NNT: variants seen among roughly 807,000 people sequenced by gnomAD.
NNT encodes the protein nicotinamide nucleotide transhydrogenase, also known as NAD(P) transhydrogenase, mitochondrial.
In NNT, 50 loss-of-function variants were observed where a neutral mutation model predicts 104.8. The ratio of observed to expected loss-of-function variants is 0.48; its 90% CI spans 0.38 to 0.60. The LOEUF is 0.60. Among genes scored for constraint, NNT ranks in the 20% least tolerant of loss-of-function variants. The probability of loss-of-function intolerance (pLI) is 0.00; values close to 1 mark genes in which losing one functional copy is unlikely to be tolerated. For synonymous variants in NNT, 461 were observed against 490.4 expected (o/e 0.94, Z 0.79); for missense variants, 1,131 against 1,330.7 (o/e 0.85, Z 2.33).
At chr5:43,630,108 C>T (rs535146309) in intron 7 of NNT, among the ~76,000 whole-genome samples, 25 of 152,192 alleles carry the variant, frequency 1.6e-4, no homozygotes, top group African/African-American at 5.8e-4. Context: ...CGTTTCAGGT[C>T]TTAGATTTAA....
chr5:43,655,720 T>C, intron 14 of NNT, 120 bp from the exon 15 acceptor site: 1 of 715,808 alleles, frequency 1.4e-6, no homozygotes, highest in Non-Finnish European at 2.4e-6. Flanking sequence ...ATTTAGCCCG[T>C]ACTAGGAACT....
chr5:43,651,589 T>A (rs1215199413), intron 12 of NNT, 150 bp from the exon 13 acceptor site: 203 of 751,006 alleles, frequency 2.7e-4, no homozygotes, highest in South Asian at 3.1e-4. Context: ...AAAAAAAAAA[T>A]TTGAGGTTGC....
At chr5:43,677,399 TGAGA>T (rs111577191) in intron 18 of NNT, among the ~76,000 whole-genome samples, 15,301 of 138,600 alleles carry the variant, frequency 0.11, 1,524 homozygotes, top group African/African-American at 0.28. Flanking sequence ...TTTAAAAACA[TGAGA>T]GAGAGAGAGA....
Position 43,650,533 on chromosome 5 carries a change from A to G in NNT, c.1663A>G (p.Thr555Ala), listed in dbSNP as rs1739702399. The G allele has an allele frequency of 1.9e-6, 3 of 1,614,146 alleles. No individual in the cohort carries two copies. Among genetic ancestry groups the G allele is most frequent in the Middle Eastern group, 3.3e-4 (2 of 6,060 alleles). Residue 555 changes from threonine (T) to alanine (A), a missense_variant, in exon 12 of 22, where the codon ACT becomes GCT. Thr to Ala is a moderately conservative substitution (Grantham distance 58, BLOSUM62 0). Transcript: ENST00000344920. ...LMGGHLYPST[T>A]SQGLAALAAF... ...GGGAGGACATTTGTATCCTTCCACAACTTCTCAGGGCCTTGCTGCTCTTGC... is the reference window on the plus strand; with the variant it reads ...GGGAGGACATTTGTATCCTTCCACAGCTTCTCAGGGCCTTGCTGCTCTTGC...
intron 2 of NNT, among the ~76,000 whole-genome samples, chr5:43,610,357 C>T (rs1386767094): frequency 6.6e-6 from 1 of 152,104 alleles, no homozygotes; most frequent in Admixed American, 6.5e-5. Context: ...GTACTTCTGT[C>T]ACTTCACCTC....
chr5:43,667,996 G>C (rs1422511921), intron 17 of NNT, among the ~76,000 whole-genome samples: 10 of 152,170 alleles, frequency 6.6e-5, no homozygotes, highest in Non-Finnish European at 1.3e-4. Flanking sequence ...TTGTGGTTTC[G>C]ATTTACATTT....
chr5:43,684,946 A>G lies in NNT; in HGVS notation c.2876+7140A>G, dbSNP rs1741905133. On this transcript the variant is annotated intron_variant, in intron 19 of 21. Transcript: ENST00000344920. Reference sequence around the variant, plus strand: ...ACCCTCCTCAGAATGTAACACTGCCACATACAAACAAAATTCCAAAGGTCC... The same window carrying G: ...ACCCTCCTCAGAATGTAACACTGCCGCATACAAACAAAATTCCAAAGGTCC... 1.3e-5 allele frequency among the ~76,000 whole-genome samples: 2 copies of G among 152,238 alleles called. 1 individual carries two copies. The highest frequency in any genetic ancestry group is 4.8e-5 in the African/African-American group (2 of 41,466).
chr5:43,641,483 C>T (rs35679811), intron 7 of NNT, among the ~76,000 whole-genome samples: 4,262 of 152,040 alleles, frequency 0.028, 87 homozygotes, highest in South Asian at 0.054. Context: ...AGAAAATAGT[C>T]TCACCACTCA....
intron 17 of NNT, among the ~76,000 whole-genome samples, chr5:43,662,893 CAA>C (rs34800286): frequency 5.0e-3 from 397 of 79,576 alleles, no homozygotes; most frequent in African/African-American, 0.015. Flanking sequence ...GACCCTGTCT[CAA>C]AAAAAAAAAA....
At chr5:43,636,600 G>T (rs192372416) in intron 7 of NNT, among the ~76,000 whole-genome samples, 1 of 152,086 alleles carries the variant, frequency 6.6e-6, no homozygotes, top group African/African-American at 2.4e-5. Context: ...ATCAGAATGC[G>T]TAATACAATT....
intron 19 of NNT, among the ~76,000 whole-genome samples, chr5:43,687,434 G>A (rs1466854896): frequency 2.6e-5 from 4 of 152,096 alleles, no homozygotes; most frequent in East Asian, 1.9e-4. Context: ...CATCAGTTCC[G>A]GGAAATTGCT....
intron 10 of NNT, chr5:43,647,787 G>C (rs554868756): frequency 2.1e-4 from 77 of 361,854 alleles, no homozygotes; most frequent in African/African-American, 1.5e-3. Context: ...ATAAGGTAGT[G>C]CTTCTTGACT....
Position 43,653,184 on chromosome 5 carries a change from C to A in NNT, c.2030C>A (p.Ser677Tyr). The A allele has an allele frequency of 1.2e-6, 2 of 1,614,094 alleles. No individual in the cohort carries two copies. The highest frequency in any genetic ancestry group is 1.7e-6 in the Non-Finnish European group (2 of 1,179,988). The change falls in exon 14 of 22, where the codon TCT becomes TAT. Residue 677 changes from serine (S) to tyrosine (Y), a missense_variant. Ser to Tyr is a moderately radical substitution (Grantham distance 144, BLOSUM62 -2). Coordinates refer to ENST00000344920, the MANE Select transcript of NNT (RefSeq NM_182977.3). ...GGCCCAGAATTACTAGCTCAGATGT[C>A]TGGAGCGATGGCTTTGGGTGGTACC... is the stretch of plus-strand genomic sequence containing the variant. Reference protein sequence around the residue: ...KPGPELLAQMSGAMALGGTIG... With the variant: ...KPGPELLAQMYGAMALGGTIG...
chr5:43,655,604 A>C (rs561070632), intron 14 of NNT, among the ~76,000 whole-genome samples: 19 of 152,354 alleles, frequency 1.2e-4, no homozygotes, highest in Non-Finnish European at 2.4e-4. Flanking sequence ...CAAAATTAAA[A>C]AAAATTAAAA....
intron 1 of NNT, among the ~76,000 whole-genome samples, chr5:43,607,834 A>G (rs910658383): frequency 2.6e-5 from 4 of 152,244 alleles, no homozygotes; most frequent in Admixed American, 2.6e-4. Context: ...TCAGATGCTC[A>G]GTCCCGTGAG....
intron 7 of NNT, among the ~76,000 whole-genome samples, chr5:43,642,254 G>A (rs1316231214): frequency 6.6e-6 from 1 of 152,174 alleles, no homozygotes; most frequent in Non-Finnish European, 1.5e-5. Flanking sequence ...AGTACAGGTA[G>A]CCCTTTAAAT....
chr5:43,669,502 T>G (rs1319868318), intron 17 of NNT, among the ~76,000 whole-genome samples: 1 of 152,142 alleles, frequency 6.6e-6, no homozygotes, highest in Non-Finnish European at 1.5e-5. Flanking sequence ...AGTTGTTGAA[T>G]TTTGTCAAAG....
rs1291032932 is a variant in NNT at position 43,651,747 on chromosome 5, C to T, written c.1726C>T (p.Leu576=). Residue 576 remains leucine (L), a synonymous_variant, in exon 13 of 22, where the codon CTG becomes TTG. Coordinates refer to ENST00000344920, the MANE Select transcript of NNT (RefSeq NM_182977.3). The part of the protein sequence containing the change: ...ISSVNIAGGF[L]VTQRMLDMFK... ...TCCTTTGGTTTGCTAAGGTGGCTTT[C>T]TGGTGACTCAGAGAATGCTGGACAT... The T allele has an allele frequency of 1.2e-6, 2 of 1,614,094 alleles. No individual in the cohort carries two copies. Among genetic ancestry groups the T allele is most frequent in the Admixed American group, 1.7e-5 (1 of 60,022 alleles).
intron 4 of NNT, among the ~76,000 whole-genome samples, chr5:43,618,691 A>G (rs1749914580): frequency 1.3e-5 from 2 of 152,180 alleles, no homozygotes; most frequent in Admixed American, 6.5e-5. Context: ...GTGGGTGCAT[A>G]ATGGATAAGA....
Sources: allele counts gnomAD v4.1 joint callset (sites outside exome capture counted in the v4.1 genomes callset), GRCh38; gene constraint gnomAD v4.1.1; transcripts MANE v1.5; gene names NCBI Gene and HGNC (gene_info 2026-07-23, HGNC 2026-07-21).